Variants in RDH13 observed in about 807,000 individuals in gnomAD.
The protein encoded by RDH13 is retinol dehydrogenase 13.
A neutral mutation model predicts 28.3 loss-of-function variants in RDH13; 35 were observed. That is an observed-to-expected ratio of 1.24 (90% CI 0.95 to 1.64). RDH13 has a LOEUF of 1.64. Ranked by LOEUF, RDH13 falls within the 40% of genes most tolerant of loss-of-function variation. The pLI is 0.00. For synonymous variants in RDH13, 229 were observed against 198.5 expected (o/e 1.15, Z -1.29); for missense variants, 514 against 446.3 (o/e 1.15, Z -1.37).
At chr19:55,056,840 T>G (rs551732061) in intron 2 of RDH13, 32 bp from the exon 3 acceptor site, 5 of 1,575,694 alleles carry the variant, frequency 3.2e-6, no homozygotes, top group Non-Finnish European at 4.3e-6. Context: ...AGATTTAAAT[T>G]AATAATCCAC....
intron 3 of RDH13, among the ~76,000 whole-genome samples, chr19:55,049,457 G>A (rs1423452004): frequency 2.6e-5 from 4 of 152,204 alleles, no homozygotes; most frequent in South Asian, 2.1e-4. Context: ...CACTCAGCTC[G>A]GGTTCCGTAA....
chr19:55,064,913 G>A (rs559971211), upstream of RDH13, among the ~76,000 whole-genome samples: 17 of 83,578 alleles, frequency 2.0e-4, no homozygotes, highest in South Asian at 1.2e-3. Flanking sequence ...GCACCCGGCC[G>A]GGAAGCTGTT....
At position 55,063,061 on chromosome 19, in the gene RDH13, A is replaced by AGCCGTCC. The variant is rs1568739072; in HGVS notation, c.-30_-29insGGACGGC. ...GGGCCGGGGACAGGCGTCAGGCGTC[A>AGCCGTCC]GGGGTCGGCGCGGAGCTTGCTGCAC... On this transcript the variant is annotated 5_prime_UTR_variant, in exon 1 of 7. Coordinates refer to ENST00000415061, the MANE Select transcript of RDH13 (RefSeq NM_001145971.2). The AGCCGTCC allele has an allele frequency of 2.3e-6, 3 of 1,307,704 alleles. No homozygotes were observed. Among genetic ancestry groups the AGCCGTCC allele is most frequent in the South Asian group, 3.7e-5 (2 of 54,316 alleles). 81.0% of individuals were successfully genotyped at this position (1,307,704 alleles called of 1,614,324 possible).
chr19:55,058,904 C>T (rs2075722317), intron 2 of RDH13, among the ~76,000 whole-genome samples: 1 of 152,232 alleles, frequency 6.6e-6, no homozygotes, highest in African/African-American at 2.4e-5. Context: ...TGGTCTCGAA[C>T]TCCTGACCTC....
chr19:55,046,313 A>T (rs1376981028), intron 6 of RDH13, among the ~76,000 whole-genome samples: 1 of 149,186 alleles, frequency 6.7e-6, no homozygotes, highest in Non-Finnish European at 1.5e-5. Flanking sequence ...CCCAGGCTGG[A>T]GTGCAGTGGT....
upstream of RDH13, among the ~76,000 whole-genome samples, chr19:55,067,032 T>A (rs1380037198): frequency 6.6e-6 from 1 of 152,186 alleles, no homozygotes; most frequent in Non-Finnish European, 1.5e-5. Flanking sequence ...CTGAAGCCAC[T>A]GAGTTTTAGA....
chr19:55,059,194 G>C lies in RDH13; in HGVS notation c.147C>G (p.Gly49=). 6.2e-7 allele frequency: 1 copy of C among 1,603,306 alleles called. No individual in the cohort carries two copies. Among genetic ancestry groups the C allele is most frequent in the Non-Finnish European group, 8.5e-7 (1 of 1,175,068 alleles). Residue 49 remains glycine, a synonymous_variant, in exon 2 of 7, where the codon GGC becomes GGG. Transcript: ENST00000415061. ...GTTCCAAGGCGGTCTGCTTCCCGATGCCTGTGTTGGCACCCGTCACGATGA... is the reference window on the plus strand; with the variant it reads ...GTTCCAAGGCGGTCTGCTTCCCGATCCCTGTGTTGGCACCCGTCACGATGA... ...KTVIVTGANT[G]IGKQTALELA...
rs1361040450 is a variant in RDH13 at position 55,045,213 on chromosome 19, T to C, written c.857A>G (p.Lys286Arg). The change falls in exon 7 of 7, where the codon AAG (lysine) becomes AGG (arginine). Residue 286 changes from lysine (K) to arginine (R), a missense_variant. Coordinates refer to ENST00000415061, the MANE Select transcript of RDH13 (RefSeq NM_001145971.2). ...CTTCTGTTTGAGTCCATCGAAGTAC[T>C]TTCCGGAAACATCCGCCAGTTCCTC... ...VAEELADVSG[K>R]YFDGLKQKAP... 1.9e-6 allele frequency: 3 copies of C among 1,613,554 alleles called. No homozygotes were observed. The highest frequency in any genetic ancestry group is 1.7e-5 in the Admixed American group (1 of 60,028).
chr19:55,041,973 C>T (rs140151761), downstream of RDH13: 7 of 152,158 alleles, frequency 4.6e-5, no homozygotes, highest in East Asian at 9.7e-4. Context: ...AGCACTTCCA[C>T]ACTGCACAAC....
At chr19:55,051,237 C>CCCCTCTCAGGAGGT (rs1318489300) in intron 3 of RDH13, among the ~76,000 whole-genome samples, 1 of 152,126 alleles carries the variant, frequency 6.6e-6, no homozygotes, top group Non-Finnish European at 1.5e-5. Context: ...TGACAGGAGG[C>CCCCTCTCAGGAGGT]CCCTCTCAGG....
chr19:55,066,520 C>A (rs966814206), upstream of RDH13, among the ~76,000 whole-genome samples: 3 of 132,576 alleles, frequency 2.3e-5, no homozygotes, highest in Non-Finnish European at 4.7e-5. Context: ...TCTCACATCT[C>A]TCTTTCCCTT....
At chr19:55,046,178 C>T (rs1197435931) in intron 6 of RDH13, among the ~76,000 whole-genome samples, 17 of 149,450 alleles carry the variant, frequency 1.1e-4, no homozygotes, top group Admixed American at 1.1e-3. Context: ...ACCGAGGAGG[C>T]AGAGGTTGGA....
intron 5 of RDH13, 105 bp downstream of exon 5, chr19:55,048,224 C>T (rs760019231): frequency 1.1e-5 from 17 of 1,559,800 alleles, no homozygotes; most frequent in Admixed American, 1.9e-5. Context: ...TTTGCTGACT[C>T]TGTTCTGGAT....
At chr19:55,049,309 C>G (rs534659450) in intron 3 of RDH13, among the ~76,000 whole-genome samples, 1 of 152,088 alleles carries the variant, frequency 6.6e-6, no homozygotes, top group Non-Finnish European at 1.5e-5. Flanking sequence ...GTGGGAGCCC[C>G]GGCACCGCAG....
chr19:55,063,456 C>T (rs2075877397), upstream of RDH13: 2 of 192,092 alleles, frequency 1.0e-5, no homozygotes, highest in Non-Finnish European at 2.1e-5. Context: ...CAGCCTATTC[C>T]CTCATCTGGA....
At chr19:55,063,248 G>A, upstream of RDH13, 1 of 410,660 alleles carries the variant, frequency 2.4e-6, no homozygotes, top group Non-Finnish European at 4.3e-6. Flanking sequence ...CATCGGTCCT[G>A]AGCGCTGTCA....
chr19:55,055,149 T>C (rs1174040774), intron 3 of RDH13, among the ~76,000 whole-genome samples: 1 of 152,036 alleles, frequency 6.6e-6, no homozygotes, highest in Non-Finnish European at 1.5e-5. Context: ...CAAAGTTGTT[T>C]AGTTCTGTCT....
At chr19:55,066,758 C>T (rs1288433135), upstream of RDH13, among the ~76,000 whole-genome samples, 2 of 151,512 alleles carry the variant, frequency 1.3e-5, no homozygotes, top group Non-Finnish European at 2.9e-5. Context: ...CTCCCTCTCC[C>T]CCCAACTCTC....
rs2075271225 is a variant in RDH13 at position 55,047,378 on chromosome 19, G to C, written c.760+9C>G. On this transcript the variant is annotated intron_variant, in intron 6 of 6. Transcript: ENST00000415061. ...CCACGTGGAGACCCCAGGCTGGGAGGGGACTCACCGAGTGTGGTGCTGGAG... is the reference window on the plus strand; with the variant it reads ...CCACGTGGAGACCCCAGGCTGGGAGCGGACTCACCGAGTGTGGTGCTGGAG... 1.2e-6 allele frequency: 2 copies of C among 1,610,288 alleles called. No individual in the cohort carries two copies. The highest frequency in any genetic ancestry group is 1.7e-5 in the Admixed American group (1 of 59,834).
Sources: allele counts gnomAD v4.1 joint callset (sites outside exome capture counted in the v4.1 genomes callset), GRCh38; gene constraint gnomAD v4.1.1; transcripts MANE v1.5; gene names NCBI Gene and HGNC (gene_info 2026-07-23, HGNC 2026-07-21).